Variants in WDR72 observed in about 807,000 individuals in gnomAD.
The protein encoded by WDR72 is WD repeat-containing protein 72.
WDR72 carries 120 observed loss-of-function variants against 124.2 expected under a neutral mutation model. The observed-to-expected ratio is 0.97, with a 90% CI of 0.83 to 1.12. The LOEUF (loss-of-function observed/expected upper bound fraction) is 1.12, where lower values mean the gene tolerates loss of function less well. Among genes scored for constraint, WDR72 ranks in the 50% most tolerant of loss-of-function variants. The pLI, the probability that WDR72 is intolerant of heterozygous loss-of-function variation, is 0.00. For synonymous variants in WDR72, 452 were observed against 441.7 expected, an observed-to-expected ratio of 1.02 and a Z score of -0.29; for missense variants, 1,387 against 1,278.8, an observed-to-expected ratio of 1.08 and a Z score of -1.29.
intron 14 of WDR72, among the ~76,000 whole-genome samples, chr15:53,663,057 T>C (rs1251920156): frequency 6.6e-6 from 1 of 150,458 alleles, no homozygotes; most frequent in Admixed American, 6.6e-5. Context: ...TGGAGTGCAG[T>C]GGCACGATCT....
intron 14 of WDR72, among the ~76,000 whole-genome samples, chr15:53,664,112 G>A (rs2015699321): frequency 6.6e-6 from 1 of 152,060 alleles, no homozygotes; most frequent in South Asian, 2.1e-4. Flanking sequence ...TATTAGCTTT[G>A]ACCAAGGGAG....
chr15:53,674,733 C>T (rs529253902), intron 13 of WDR72, among the ~76,000 whole-genome samples: 36 of 152,248 alleles, frequency 2.4e-4, no homozygotes, highest in African/African-American at 8.4e-4. Context: ...ATTGGCGTCA[C>T]ATCAATCTTC....
chr15:53,705,074 C>A lies in WDR72; in HGVS notation c.1262G>T (p.Cys421Phe). ...EYIPSLDKLI[C>F]GCEDGTIIIT... ...GATAATTGTCCCATCTTCACAGCCA[C>A]ATATTAGTTTATCAAGACTTGGAAT... The change falls in exon 11 of 20, where the codon TGT becomes TTT. Residue 421 changes from cysteine to phenylalanine, a missense_variant. By Grantham distance (205) the Cys-to-Phe change is radical. Transcript: ENST00000360509. The A allele has an allele frequency of 6.2e-7, 1 of 1,614,118 alleles. No individual in the cohort carries two copies. Among genetic ancestry groups the A allele is most frequent in the Admixed American group, 1.7e-5 (1 of 60,018 alleles).
At chr15:53,714,549 G>C (rs1451863085) in intron 5 of WDR72, 39 bp from the exon 6 acceptor site, 3 of 1,480,260 alleles carry the variant, frequency 2.0e-6, no homozygotes, top group African/African-American at 2.8e-5. Context: ...GCTTACCATG[G>C]ATATAATTGG....
intron 18 of WDR72, among the ~76,000 whole-genome samples, chr15:53,588,642 T>C (rs1401670487): frequency 2.0e-5 from 3 of 152,048 alleles, no homozygotes; most frequent in Non-Finnish European, 4.4e-5. Flanking sequence ...CAGCCACCAT[T>C]TCTCTAGCAA....
rs770308661 is a variant in WDR72, at chr15:53,613,730, A to G, written c.2808T>C (p.Asn936=). Residue 936 remains asparagine (N), a synonymous_variant, in exon 16 of 20, where the codon AAT becomes AAC. Coordinates refer to ENST00000360509, the MANE Select transcript of WDR72 (RefSeq NM_182758.4). ...TGTCATTCCCAGCACCTCTCATCTTATTATGTATACTTTCCATTCTGAAAG... is the reference window on the plus strand; with the variant it reads ...TGTCATTCCCAGCACCTCTCATCTTGTTATGTATACTTTCCATTCTGAAAG... The part of the protein sequence containing the change: ...GSSFRMESIH[N]KMRGAGNDIL... 1.2e-6 allele frequency: 2 copies of G among 1,609,538 alleles called. No individual in the cohort carries two copies. Among genetic ancestry groups the G allele is most frequent in the Admixed American group, 1.7e-5 (1 of 59,834 alleles).
At chr15:53,607,334 C>T (rs2013329746) in intron 17 of WDR72, among the ~76,000 whole-genome samples, 1 of 151,964 alleles carries the variant, frequency 6.6e-6, no homozygotes, top group East Asian at 1.9e-4. Flanking sequence ...GACATATGGA[C>T]CAATGGAAGA....
At chr15:53,639,238 A>G (rs1321150477) in intron 14 of WDR72, among the ~76,000 whole-genome samples, 3 of 151,898 alleles carry the variant, frequency 2.0e-5, no homozygotes, top group African/African-American at 4.8e-5. Flanking sequence ...AGTATCTCCT[A>G]TGTGCTGGGT....
intron 18 of WDR72, among the ~76,000 whole-genome samples, chr15:53,555,491 A>G (rs533663266): frequency 2.0e-5 from 3 of 152,192 alleles, no homozygotes; most frequent in African/African-American, 4.8e-5. Flanking sequence ...CTCAACTTTT[A>G]TATCAGTTTT....
In WDR72 at chr15:53,704,986, ACCTTTT is replaced by A; in HGVS notation, c.1344_1348+1del. ...AAATAGGGTCAAATAAAATTCAAGG[ACCTTTT>A]ACTAAAGAACCACCTTCCAGAAGTC... is the stretch of plus-strand genomic sequence containing the variant. On this transcript the variant is annotated splice_donor_variant and coding_sequence_variant, in exon 11 of 20. Transcript: ENST00000360509. LOFTEE classifies it high-confidence loss of function. The A allele has an allele frequency of 6.2e-7, 1 of 1,613,740 alleles. No homozygotes were observed.
intron 9 of WDR72, among the ~76,000 whole-genome samples, chr15:53,706,352 A>ATG (rs1458984801): frequency 6.3e-5 from 1 of 15,834 alleles, no homozygotes; most frequent in Non-Finnish European, 1.2e-4. Flanking sequence ...GTGTGTGTGT[A>ATG]TATATATATA....
At chr15:53,543,148 T>C (rs1428964981) in intron 18 of WDR72, among the ~76,000 whole-genome samples, 2 of 141,572 alleles carry the variant, frequency 1.4e-5, no homozygotes, top group Non-Finnish European at 1.5e-5. Context: ...GCGGACCTAA[T>C]AGACATCTAC....
In WDR72 at chr15:53,523,232, T is replaced by G; in HGVS notation, c.3239A>C (p.Glu1080Ala). Residue 1080 changes from glutamate to alanine, a missense_variant, in exon 19 of 20, where the codon GAG becomes GCG. Transcript: ENST00000360509. ...EDMPDRCALE[E>A]SESPGEPRHH... is the part of the protein sequence containing the mutation. ...ATGGCTTTCACCTGGACTCTCAGAC[T>G]CTTCCAAGGCACATCTGTCAGGCAT... 6.2e-7 allele frequency: 1 copy of G among 1,613,080 alleles called. No individual in the cohort carries two copies. Among genetic ancestry groups the G allele is most frequent in the Non-Finnish European group, 8.5e-7 (1 of 1,179,308 alleles).
chr15:53,592,827 TTGCTGTTTTTAAAGCAA>T (rs1255003313), intron 18 of WDR72, among the ~76,000 whole-genome samples: 1 of 152,136 alleles, frequency 6.6e-6, no homozygotes, highest in Non-Finnish European at 1.5e-5. Context: ...ATAGAAACTA[TTGCTGTTTTTAAAGCAA>T]TGAATCTAAG....
At chr15:53,581,823 A>G (rs1041692092) in intron 18 of WDR72, among the ~76,000 whole-genome samples, 2 of 152,070 alleles carry the variant, frequency 1.3e-5, no homozygotes, top group African/African-American at 4.8e-5. Context: ...ATATTAGAAA[A>G]ATTCCATAAA....
chr15:53,644,232 A>G (rs1388430813), intron 14 of WDR72, among the ~76,000 whole-genome samples: 1 of 152,104 alleles, frequency 6.6e-6, no homozygotes, highest in Non-Finnish European at 1.5e-5. Flanking sequence ...AATGTGAAAT[A>G]AGATTTATTT....
At chr15:53,753,619 T>C (rs2018826665) in intron 1 of WDR72, among the ~76,000 whole-genome samples, 1 of 152,224 alleles carries the variant, frequency 6.6e-6, no homozygotes, top group Admixed American at 6.5e-5. Context: ...CTCTGTTTCA[T>C]AGTCCCTATC....
chr15:53,530,740 C>T, intron 18 of WDR72, among the ~76,000 whole-genome samples: 1 of 152,012 alleles, frequency 6.6e-6, no homozygotes, highest in Non-Finnish European at 1.5e-5. Context: ...TAGAGATAAA[C>T]ATGATTTATA....
At chr15:53,582,228 A>G (rs569067897) in intron 18 of WDR72, among the ~76,000 whole-genome samples, 25 of 152,140 alleles carry the variant, frequency 1.6e-4, no homozygotes, top group African/African-American at 6.0e-4. Context: ...TACAGATTCC[A>G]GAAAGAGACA....
Sources: gnomAD v4.1 joint callset for allele counts (sites outside exome capture counted in the v4.1 genomes callset) on GRCh38, gnomAD v4.1.1 for gene constraint, MANE v1.5 for transcripts, NCBI Gene and HGNC (gene_info 2026-07-23, HGNC 2026-07-21) for gene names.